Variants in DDX60L observed in about 807,000 individuals in gnomAD.
The protein encoded by DDX60L is DExD/H-box 60 like.
In DDX60L, 191 loss-of-function variants were observed where a neutral mutation model predicts 211.6. The observed-to-expected ratio is 0.90, with a 90% CI of 0.80 to 1.02. DDX60L has a LOEUF of 1.02. Among genes scored for constraint, DDX60L ranks in the 50% least tolerant of loss-of-function variants. DDX60L has a pLI of 0.00. For missense variants in DDX60L, 2,007 were observed against 1,984.1 expected (o/e 1.01, Z -0.22); for synonymous variants, 706 against 694.1 (o/e 1.02, Z -0.27).
intron 12 of DDX60L, 35 bp downstream of exon 12, chr4:168,432,420 T>C: frequency 8.0e-7 from 1 of 1,251,356 alleles, no homozygotes; most frequent in Non-Finnish European, 1.1e-6. Context: ...AGGCAATTCA[T>C]ATAAGCTCTA....
chr4:168,448,765 T>C lies in DDX60L; in HGVS notation c.1011A>G (p.Glu337=), dbSNP rs1378622535. 5 of 1,600,586 alleles carry C rather than the reference T, an allele frequency of 3.1e-6. 1 individual carries two copies. Among genetic ancestry groups the C allele is most frequent in the Non-Finnish European group, 4.3e-6 (5 of 1,173,776 alleles). Residue 337 remains glutamate (E), a synonymous_variant, in exon 9 of 38, where the codon GAA becomes GAG. Transcript: ENST00000682922. Reference sequence around the variant, plus strand: ...CGTTTAAGTTGCTTAAAATGAAATATTCACACCACTTGTTCTGAAAATTAA... The same window carrying C: ...CGTTTAAGTTGCTTAAAATGAAATACTCACACCACTTGTTCTGAAAATTAA... ...DSFLKMNKWC[E]YFILSNLNVF... is the part of the protein sequence containing the mutation.
In DDX60L at chr4:168,453,155, C is replaced by A; in HGVS notation, c.965G>T (p.Trp322Leu). 6.2e-7 allele frequency: 1 copy of A among 1,611,196 alleles called. No individual in the cohort carries two copies. Among genetic ancestry groups the A allele is most frequent in the Admixed American group, 1.7e-5 (1 of 59,576 alleles). ...RACSRVITCS[W>L]IRNSDSFLKM... is the part of the protein sequence containing the mutation. The stretch of plus-strand genomic sequence containing the variant: ...TAAGAAAGAATCACTGTTCCTAATC[C>A]AAGAGCATGTGATGACTCGAGAACA... Residue 322 changes from tryptophan to leucine, a missense_variant, in exon 8 of 38, where the codon TGG becomes TTG. Physicochemically the swap from Trp to Leu is moderately conservative, Grantham distance 61 (BLOSUM62 -2). Transcript: ENST00000682922.
At chr4:168,449,895 C>G (rs1327070696) in intron 8 of DDX60L, among the ~76,000 whole-genome samples, 1 of 151,462 alleles carries the variant, frequency 6.6e-6, no homozygotes, top group Non-Finnish European at 1.5e-5. Context: ...TGAAAGAGAT[C>G]TGACTTAACT....
At chr4:168,466,038 C>T (rs1285093569) in intron 4 of DDX60L, among the ~76,000 whole-genome samples, 1 of 151,476 alleles carries the variant, frequency 6.6e-6, no homozygotes, top group Non-Finnish European at 1.5e-5. Flanking sequence ...AAGAAAAAAC[C>T]ATTAGATGCA....
intron 10 of DDX60L, among the ~76,000 whole-genome samples, chr4:168,439,704 T>G (rs1322255763): frequency 6.6e-6 from 1 of 152,164 alleles, no homozygotes; most frequent in Non-Finnish European, 1.5e-5. Flanking sequence ...CAGAATAAAC[T>G]AAACAATCTT....
chr4:168,437,072 TACA>T (rs1469895741), intron 10 of DDX60L, among the ~76,000 whole-genome samples: 2 of 152,192 alleles, frequency 1.3e-5, no homozygotes, highest in African/African-American at 4.8e-5. Flanking sequence ...AATGGAAAAC[TACA>T]ACAACCCAAT....
At chr4:168,432,269 CACACA>C (rs1752472396) in intron 12 of DDX60L, among the ~76,000 whole-genome samples, 181 bp downstream of exon 12, 1 of 144,298 alleles carries the variant, frequency 6.9e-6, no homozygotes, top group East Asian at 2.0e-4. Flanking sequence ...TATATATATA[CACACA>C]TATATGTATA....
At position 168,384,478 on chromosome 4, in the gene DDX60L, C is replaced by A; in HGVS notation, c.4116+134G>T. On this transcript the variant is annotated intron_variant, in intron 30 of 37. Transcript: ENST00000682922. ...CTCCAGCCTAGATGACACAGCAAGA[C>A]CCTGTCTCCAAAACAATCAAACAAA... is the stretch of plus-strand genomic sequence containing the variant. 1.9e-5 allele frequency: 22 copies of A among 1,130,812 alleles called. 1 individual carries two copies. The South Asian group carries it at 2.7e-4, about 14-fold the overall frequency. 70.0% of individuals were successfully genotyped at this position (1,130,812 alleles called of 1,614,324 possible). A position where few individuals can be genotyped will look rare whatever the true frequency, so the allele number is the denominator to read the frequency against.
At chr4:168,466,933 GTTTT>G (rs1176040615) in intron 4 of DDX60L, among the ~76,000 whole-genome samples, 2 of 151,954 alleles carry the variant, frequency 1.3e-5, no homozygotes, top group Admixed American at 6.6e-5. Flanking sequence ...CTTTTTAGAG[GTTTT>G]TTGTTTGTGT....
chr4:168,468,479 AG>A (rs1348901837), intron 4 of DDX60L, among the ~76,000 whole-genome samples: 1 of 152,136 alleles, frequency 6.6e-6, no homozygotes, highest in Non-Finnish European at 1.5e-5. Context: ...ACCTAAAATA[AG>A]AAGAAATTTT....
At chr4:168,373,638 T>C in intron 35 of DDX60L, 28 bp downstream of exon 35, 1 of 1,605,436 alleles carries the variant, frequency 6.2e-7, no homozygotes, top group South Asian at 1.1e-5. Flanking sequence ...TAAACACATT[T>C]TGTACATAAG....
chr4:168,440,848 G>C (rs1454635244), intron 10 of DDX60L, among the ~76,000 whole-genome samples: 1 of 152,156 alleles, frequency 6.6e-6, no homozygotes, highest in Non-Finnish European at 1.5e-5. Context: ...TTCATACAAA[G>C]AGACAGTTCA....
intron 29 of DDX60L, among the ~76,000 whole-genome samples, chr4:168,385,959 A>T (rs1743790394): frequency 6.6e-6 from 1 of 151,478 alleles, no homozygotes; most frequent in African/African-American, 2.4e-5. Flanking sequence ...AGAAGGAGAG[A>T]GGGAGGGAGT....
intron 36 of DDX60L, among the ~76,000 whole-genome samples, chr4:168,370,264 T>G (rs1740775279): frequency 6.6e-6 from 1 of 152,148 alleles, no homozygotes; most frequent in Non-Finnish European, 1.5e-5. Flanking sequence ...ATCCTGTCAT[T>G]TGTGGCAACA....
intron 30 of DDX60L, among the ~76,000 whole-genome samples, chr4:168,382,685 A>G (rs1560955432): frequency 6.6e-6 from 1 of 152,162 alleles, no homozygotes; most frequent in African/African-American, 2.4e-5. Flanking sequence ...TTAAGGTAGA[A>G]GCAAATCTAT....
At chr4:168,411,207 A>G (rs951439192) in intron 22 of DDX60L, among the ~76,000 whole-genome samples, 2 of 152,186 alleles carry the variant, frequency 1.3e-5, no homozygotes, top group Non-Finnish European at 1.5e-5. Context: ...CCCTACAGGA[A>G]CTCCAAATTG....
intron 26 of DDX60L, among the ~76,000 whole-genome samples, chr4:168,396,460 G>A (rs568449214): frequency 1.4e-4 from 22 of 152,056 alleles, no homozygotes; most frequent in Non-Finnish European, 2.8e-4. Flanking sequence ...CAAAGGGGGC[G>A]GGGTGTGTGG....
chr4:168,386,521 A>G (rs1743894625), intron 29 of DDX60L, among the ~76,000 whole-genome samples: 2 of 151,934 alleles, frequency 1.3e-5, no homozygotes, highest in Non-Finnish European at 2.9e-5. Context: ...CCAGTGAGGT[A>G]CAGAGTATTG....
At chr4:168,386,788 G>A (rs920485066) in intron 29 of DDX60L, among the ~76,000 whole-genome samples, 9 of 152,038 alleles carry the variant, frequency 5.9e-5, no homozygotes, top group Non-Finnish European at 1.3e-4. Flanking sequence ...GCGAAACAAT[G>A]ACAGCAGAGA....
Sources: gnomAD v4.1 joint callset for allele counts (sites outside exome capture counted in the v4.1 genomes callset) on GRCh38, gnomAD v4.1.1 for gene constraint, MANE v1.5 for transcripts, NCBI Gene and HGNC (gene_info 2026-07-23, HGNC 2026-07-21) for gene names.